PPP1R12A: variants seen among roughly 807,000 people sequenced by gnomAD.
PPP1R12A encodes protein phosphatase 1 regulatory subunit 12A.
Under a neutral mutation model 139.6 loss-of-function variants are expected in PPP1R12A, and 19 were observed. The ratio of observed to expected loss-of-function variants is 0.14; its 90% CI spans 0.09 to 0.20. The LOEUF (loss-of-function observed/expected upper bound fraction) is 0.20, where lower values mean the gene tolerates loss of function less well. Among genes scored for constraint, PPP1R12A ranks in the 10% least tolerant of loss-of-function variants. The probability of loss-of-function intolerance (pLI) is 1.00; values close to 1 mark genes in which losing one functional copy is unlikely to be tolerated. For missense variants in PPP1R12A, 925 were observed against 1,211.5 expected, an observed-to-expected ratio of 0.76 and a Z score of 3.51; for synonymous variants, 427 against 420.6, an observed-to-expected ratio of 1.02 and a Z score of -0.19.
chr12:79,935,106 G>T, upstream of PPP1R12A: 1 of 1,368,332 alleles, frequency 7.3e-7, no homozygotes, highest in Non-Finnish European at 9.4e-7. Context: ...CTGGGGCGGC[G>T]CACCCGGCCG....
At chr12:79,890,656 G>A (rs942249267) in intron 1 of PPP1R12A, among the ~76,000 whole-genome samples, 2 of 152,080 alleles carry the variant, frequency 1.3e-5, no homozygotes, top group African/African-American at 4.8e-5. Context: ...TTAAACAATG[G>A]TTAGTTACGG....
chr12:79,798,668 T>C, intron 14 of PPP1R12A, 84 bp from the exon 15 acceptor site: 2 of 697,852 alleles, frequency 2.9e-6, no homozygotes, highest in East Asian at 5.7e-5. Flanking sequence ...GAATAAAACA[T>C]ACAGGTTTAA....
rs140949126 is a variant in PPP1R12A, at chr12:79,810,171, T to C, written c.1240-161A>G. Among the ~76,000 whole-genome samples, 503 of 152,202 alleles carry C rather than the reference T, an allele frequency of 3.3e-3. 2 individuals are homozygous for C. The highest frequency in any genetic ancestry group is 0.011 in the African/African-American group (473 of 41,532). On this transcript the variant is annotated intron_variant, in intron 9 of 24. Coordinates refer to ENST00000450142, the MANE Select transcript of PPP1R12A (RefSeq NM_002480.3). ...CATAGGTTAATGTCTTAGTAAAAAA[T>C]GTAAAGATCTAAAAATTTTAAAGAA... is the stretch of plus-strand genomic sequence containing the variant.
chr12:79,838,102 C>G (rs951772015), intron 3 of PPP1R12A, among the ~76,000 whole-genome samples: 1 of 152,142 alleles, frequency 6.6e-6, no homozygotes, highest in African/African-American at 2.4e-5. Context: ...ATGGCTTTGA[C>G]CAAAATGCTG....
chr12:79,785,378 G>T (rs894536642), intron 22 of PPP1R12A, among the ~76,000 whole-genome samples: 1 of 152,116 alleles, frequency 6.6e-6, no homozygotes, highest in Non-Finnish European at 1.5e-5. Flanking sequence ...GTTAAAAAAA[G>T]GATCTGGTAA....
intron 3 of PPP1R12A, among the ~76,000 whole-genome samples, chr12:79,835,226 T>C (rs1877926389): frequency 6.6e-6 from 1 of 152,134 alleles, no homozygotes; most frequent in South Asian, 2.1e-4. Flanking sequence ...AGTGGCTCCT[T>C]GGGGAGCTGT....
At chr12:79,930,511 G>A (rs553202863) in intron 1 of PPP1R12A, among the ~76,000 whole-genome samples, 3 of 152,214 alleles carry the variant, frequency 2.0e-5, no homozygotes, top group South Asian at 2.1e-4. Flanking sequence ...GGTGGCTCAC[G>A]CCTGTAATCC....
chr12:79,931,617 AAT>A (rs2136978194), intron 1 of PPP1R12A, among the ~76,000 whole-genome samples: 1 of 152,354 alleles, frequency 6.6e-6, no homozygotes, highest in South Asian at 2.1e-4. Flanking sequence ...AATATGCTAA[AAT>A]AGAGATATAA....
At chr12:79,838,091 A>T (rs562559831) in intron 3 of PPP1R12A, among the ~76,000 whole-genome samples, 1 of 152,336 alleles carries the variant, frequency 6.6e-6, no homozygotes, top group East Asian at 1.9e-4. Flanking sequence ...AGACTTACTG[A>T]ATGGCTTTGA....
chr12:79,912,377 G>C (rs1406402948), intron 1 of PPP1R12A, among the ~76,000 whole-genome samples: 1 of 152,122 alleles, frequency 6.6e-6, no homozygotes, highest in Non-Finnish European at 1.5e-5. Context: ...GCACACACAA[G>C]GCAGGCAAAC....
upstream of PPP1R12A, chr12:79,935,115 C>CGAGCG (rs1888569151): frequency 2.9e-6 from 4 of 1,361,864 alleles, no homozygotes; most frequent in South Asian, 5.1e-5. Context: ...CGCACCCGGC[C>CGAGCG]GAGCGGACCT....
chr12:79,824,548 T>C (rs1039020490), intron 5 of PPP1R12A, among the ~76,000 whole-genome samples: 7 of 152,192 alleles, frequency 4.6e-5, no homozygotes, highest in African/African-American at 1.4e-4. Context: ...CAGCAGCTGA[T>C]ACACAATCAA....
chr12:79,779,859 A>T (rs1168619165), intron 23 of PPP1R12A: 1 of 156,710 alleles, frequency 6.4e-6, no homozygotes, highest in African/African-American at 2.4e-5. Context: ...TGAAATTGAC[A>T]TCTGTAAAAT....
intron 3 of PPP1R12A, among the ~76,000 whole-genome samples, chr12:79,842,013 T>TC (rs796360314): frequency 2.4e-4 from 37 of 151,698 alleles, no homozygotes; most frequent in African/African-American, 8.7e-4. Flanking sequence ...TTAAGATAGT[T>TC]TTTTTTTTAA....
At chr12:79,834,446 C>A (rs527259736) in intron 3 of PPP1R12A, among the ~76,000 whole-genome samples, 134 of 152,224 alleles carry the variant, frequency 8.8e-4, no homozygotes, top group Non-Finnish European at 1.8e-3. Context: ...GAGGCTACTG[C>A]AATAATCTAG....
chr12:79,814,042 T>G (rs1461288022), intron 9 of PPP1R12A, among the ~76,000 whole-genome samples: 1 of 152,186 alleles, frequency 6.6e-6, no homozygotes, highest in Non-Finnish European at 1.5e-5. Context: ...ACAACCTGTT[T>G]AAGGAAATTT....
chr12:79,797,061 T>C, intron 16 of PPP1R12A, 111 bp from the exon 17 acceptor site: 1 of 1,368,264 alleles, frequency 7.3e-7, no homozygotes, highest in Non-Finnish European at 9.9e-7. Context: ...CACGCCAAAG[T>C]AATTCAAATT....
chr12:79,829,181 T>G (rs1043509883), intron 4 of PPP1R12A, among the ~76,000 whole-genome samples: 1 of 152,158 alleles, frequency 6.6e-6, no homozygotes, highest in Non-Finnish European at 1.5e-5. Flanking sequence ...CTTTATTTTA[T>G]TTAGACATTA....
intron 9 of PPP1R12A, among the ~76,000 whole-genome samples, chr12:79,815,305 C>T (rs1023138926): frequency 1.3e-5 from 2 of 152,026 alleles, no homozygotes; most frequent in Non-Finnish European, 2.9e-5. Context: ...TTTGGGTGGG[C>T]GGATCACAAG....
Sources: allele counts gnomAD v4.1 joint callset (sites outside exome capture counted in the v4.1 genomes callset), GRCh38; gene constraint gnomAD v4.1.1; transcripts MANE v1.5; gene names NCBI Gene and HGNC (gene_info 2026-07-23, HGNC 2026-07-21).